DIPK2B: variants seen among roughly 807,000 people sequenced by gnomAD.
The protein encoded by DIPK2B is UPF0672 protein CXorf36.
In DIPK2B, 15 loss-of-function variants were observed where a neutral mutation model predicts 22.2. The ratio of observed to expected loss-of-function variants is 0.68; its 90% CI spans 0.45 to 1.04. The LOEUF (loss-of-function observed/expected upper bound fraction) is 1.04, where lower values mean the gene tolerates loss of function less well. Among genes scored for constraint, DIPK2B ranks in the 50% least tolerant of loss-of-function variants. The pLI is 0.00. For missense variants in DIPK2B, 345 were observed against 348.3 expected (o/e 0.99, Z 0.08); for synonymous variants, 163 against 153.2 (o/e 1.06, Z -0.47).
At chrX:45,191,270 G>A (rs1003546930) in intron 2 of DIPK2B, 1 of 115,891 alleles carries the variant, frequency 8.6e-6, no homozygotes, top group Non-Finnish European at 1.8e-5. Context: ...TAATGGCTGA[G>A]GTTTGGTTAT....
intron 2 of DIPK2B, among the ~76,000 whole-genome samples, chrX:45,183,081 T>C (rs1229023223): frequency 8.9e-6 from 1 of 112,283 alleles, no homozygotes; most frequent in Non-Finnish European, 1.9e-5. Flanking sequence ...ACTTAAGATA[T>C]ATGTGTTTAT....
intron 3 of DIPK2B, among the ~76,000 whole-genome samples, chrX:45,156,325 C>T (rs1321518166): frequency 9.0e-6 from 1 of 111,134 alleles, no homozygotes; most frequent in African/African-American, 3.3e-5. Flanking sequence ...GGCCTACTGT[C>T]GTTGTCTACA....
intron 2 of DIPK2B, chrX:45,164,394 G>T: frequency 1.7e-6 from 1 of 604,570 alleles, no homozygotes; most frequent in Non-Finnish European, 2.4e-6. Flanking sequence ...TGTTCCAGTT[G>T]GGAATAAGGA....
intron 2 of DIPK2B, among the ~76,000 whole-genome samples, chrX:45,188,254 T>C (rs747864697): frequency 2.7e-5 from 3 of 112,327 alleles, no homozygotes; most frequent in Non-Finnish European, 5.6e-5. Flanking sequence ...TCATCTCTTA[T>C]TCCAGCTGAG....
Position 45,149,820 on chromosome X carries a change from C to T in DIPK2B, c.*1832G>A, listed in dbSNP as rs1348015045. ...AATATCTCCACAGATCGCTCTTCCT[C>T]CCTGGGCCTCAGTTTCCTCATCTGC... On this transcript the variant is annotated 3_prime_UTR_variant, in exon 5 of 5. Coordinates refer to ENST00000398000, the MANE Select transcript of DIPK2B (RefSeq NM_176819.4). 8.9e-6 allele frequency: 1 copy of T among 112,826 alleles called. No individual in the cohort carries two copies. The highest frequency in any genetic ancestry group is 1.9e-5 in the Non-Finnish European group (1 of 53,355). The allele number at this position is 112,826 out of a possible 1,213,427, so 9.3% of individuals were successfully genotyped here. A position where few individuals can be genotyped will look rare whatever the true frequency, so the allele number is the denominator to read the frequency against.
chrX:45,153,843 C>G, intron 4 of DIPK2B, 67 bp downstream of exon 4: 2 of 1,037,908 alleles, frequency 1.9e-6, no homozygotes, highest in Non-Finnish European at 2.6e-6. Context: ...CCCTGGCCAC[C>G]CCTCCCTAGC....
intron 4 of DIPK2B, among the ~76,000 whole-genome samples, chrX:45,153,204 T>C (rs1254736250): frequency 9.0e-6 from 1 of 111,684 alleles, no homozygotes. Context: ...TGTCCTCTTA[T>C]TGGGCTCAGA....
intron 3 of DIPK2B, among the ~76,000 whole-genome samples, chrX:45,154,399 A>G (rs761396814): frequency 4.5e-5 from 5 of 110,489 alleles, no homozygotes; most frequent in Non-Finnish European, 7.6e-5. Context: ...TCTATCTATC[A>G]TCTATCATCT....
intron 2 of DIPK2B, among the ~76,000 whole-genome samples, chrX:45,190,951 G>T (rs957136884): frequency 3.6e-5 from 4 of 112,596 alleles, no homozygotes; most frequent in Admixed American, 9.3e-5. Flanking sequence ...GCTACCTTAG[G>T]TAGAATCTCA....
intron 2 of DIPK2B, chrX:45,162,882 GCC>G: frequency 1.3e-6 from 1 of 753,940 alleles, no homozygotes; most frequent in Non-Finnish European, 1.6e-6. Context: ...CTTGATAGGG[GCC>G]TTTGGTTCAG....
intron 2 of DIPK2B, among the ~76,000 whole-genome samples, chrX:45,165,645 T>C (rs1217461435): frequency 1.8e-5 from 2 of 111,264 alleles, no homozygotes; most frequent in African/African-American, 6.5e-5. Flanking sequence ...ACGTCCTATA[T>C]TGGGTCAGTG....
intron 2 of DIPK2B, among the ~76,000 whole-genome samples, chrX:45,176,894 T>C (rs1313058507): frequency 9.0e-6 from 1 of 111,610 alleles, no homozygotes; most frequent in Non-Finnish European, 1.9e-5. Context: ...AATGGATCAT[T>C]GTGCCACCAA....
chrX:45,174,496 G>A (rs12006635), intron 2 of DIPK2B, among the ~76,000 whole-genome samples: 6,066 of 110,660 alleles, frequency 0.055, 406 homozygotes, highest in African/African-American at 0.19. Flanking sequence ...GGTGCTATGG[G>A]AATACAGAAG....
intron 2 of DIPK2B, among the ~76,000 whole-genome samples, chrX:45,160,567 A>G (rs2047017620): frequency 9.0e-6 from 1 of 111,725 alleles, no homozygotes; most frequent in Non-Finnish European, 1.9e-5. Flanking sequence ...AAAGATAGTG[A>G]GGTTTAAGCT....
intron 1 of DIPK2B, among the ~76,000 whole-genome samples, chrX:45,196,760 AT>A (rs199682094): frequency 0.016 from 1,746 of 111,369 alleles, 24 homozygotes; most frequent in Non-Finnish European, 0.025. Context: ...TTACCAATTG[AT>A]GTGACTTCTC....
chrX:45,172,049 T>A (rs892920135), intron 2 of DIPK2B, among the ~76,000 whole-genome samples: 1 of 111,555 alleles, frequency 9.0e-6, no homozygotes, highest in African/African-American at 3.3e-5. Flanking sequence ...GCAGGGACCA[T>A]GACTAACAGA....
intron 1 of DIPK2B, among the ~76,000 whole-genome samples, chrX:45,197,117 A>G (rs2047242855): frequency 9.0e-6 from 1 of 110,805 alleles, no homozygotes; most frequent in Non-Finnish European, 1.9e-5. Flanking sequence ...GAGGACTAGG[A>G]CCTGGCTGTA....
chrX:45,171,379 C>G (rs2047080219), intron 2 of DIPK2B, among the ~76,000 whole-genome samples: 2 of 111,417 alleles, frequency 1.8e-5, no homozygotes, highest in African/African-American at 6.5e-5. Context: ...AGTCATTTTT[C>G]TTTAGAAATG....
At chrX:45,177,703 T>A (rs1889518758) in intron 2 of DIPK2B, among the ~76,000 whole-genome samples, 1 of 111,089 alleles carries the variant, frequency 9.0e-6, no homozygotes, top group African/African-American at 3.3e-5. Flanking sequence ...GATGGACTAA[T>A]ACAGGGGTTT....
Sources: gnomAD v4.1 joint callset for allele counts (sites outside exome capture counted in the v4.1 genomes callset) on GRCh38, gnomAD v4.1.1 for gene constraint, MANE v1.5 for transcripts, NCBI Gene and HGNC (gene_info 2026-07-23, HGNC 2026-07-21) for gene names.